HSPA4L: variants seen among roughly 807,000 people sequenced by gnomAD.
The protein encoded by HSPA4L is heat shock 70 kDa protein 4L.
Under a neutral mutation model 100.3 loss-of-function variants are expected in HSPA4L, and 48 were observed. The ratio of observed to expected loss-of-function variants is 0.48; its 90% CI spans 0.38 to 0.61. The LOEUF (loss-of-function observed/expected upper bound fraction) is 0.61, where lower values mean the gene tolerates loss of function less well. HSPA4L is among the 20% of genes least tolerant of loss of function. The pLI is 0.00. For synonymous variants in HSPA4L, 319 were observed against 328.2 expected, an observed-to-expected ratio of 0.97 and a Z score of 0.30; for missense variants, 886 against 988.6, an observed-to-expected ratio of 0.90 and a Z score of 1.39.
chr4:127,782,334 C>A lies in HSPA4L; in HGVS notation c.-217C>A. Reference sequence around the variant, plus strand: ...GCGGCCGAACCGCAGTAGGGAAAGACCCAGGCTGCGGGACGCGGTGCAGGC... The same window carrying A: ...GCGGCCGAACCGCAGTAGGGAAAGAACCAGGCTGCGGGACGCGGTGCAGGC... On this transcript the variant is annotated 5_prime_UTR_variant, in exon 1 of 19. Transcript: ENST00000296464. 3.7e-6 allele frequency: 2 copies of A among 546,000 alleles called. No homozygotes were observed. The highest frequency in any genetic ancestry group is 4.2e-5 in the South Asian group (2 of 47,918). The allele number at this position is 546,000 out of a possible 1,614,324, so 33.8% of individuals were successfully genotyped here. A position where few individuals can be genotyped will look rare whatever the true frequency, so the allele number is the denominator to read the frequency against.
In HSPA4L at chr4:127,834,921, A is replaced by G. The variant is rs908588985; in HGVS notation, c.*2047A>G. On this transcript the variant is annotated 3_prime_UTR_variant, in exon 19 of 19. Transcript: ENST00000296464. ...GTCAGATAGTACCACTAATTTTTGT[A>G]ATTATATAACACTTCATTTAATAAC... 1 of 152,158 alleles carries G rather than the reference A, an allele frequency of 6.6e-6. No individual in the cohort carries two copies. Among genetic ancestry groups the G allele is most frequent in the Non-Finnish European group, 1.5e-5 (1 of 68,010 alleles). The allele number at this position is 152,158 out of a possible 1,614,324, so 9.4% of individuals were successfully genotyped here.
At chr4:127,821,453 A>C (rs1733811750) in intron 14 of HSPA4L, among the ~76,000 whole-genome samples, 1 of 152,162 alleles carries the variant, frequency 6.6e-6, no homozygotes, top group African/African-American at 2.4e-5. Flanking sequence ...TTTTTATTAA[A>C]GTGAAAATTT....
intron 12 of HSPA4L, chr4:127,813,624 G>A (rs1427407455): frequency 5.8e-6 from 1 of 172,728 alleles, no homozygotes; most frequent in East Asian, 1.7e-4. Context: ...AAGACCAGGT[G>A]TTTATAATCA....
chr4:127,836,721 G>A lies in HSPA4L; in HGVS notation c.*3847G>A, dbSNP rs2148804680. ...TTTGAATATAGTAATCAAATTAACT[G>A]ATTTTGTTTTCACCCTAAATACATA... On this transcript the variant is annotated 3_prime_UTR_variant, in exon 19 of 19. Transcript: ENST00000296464. 6.6e-6 allele frequency: 1 copy of A among 152,094 alleles called. No individual in the cohort carries two copies. Among genetic ancestry groups the A allele is most frequent in the African/African-American group, 2.4e-5 (1 of 41,498 alleles). 9.4% of individuals were successfully genotyped at this position (152,094 alleles called of 1,614,324 possible).
At chr4:127,827,488 T>C in intron 17 of HSPA4L, 64 bp downstream of exon 17, 1 of 1,566,430 alleles carries the variant, frequency 6.4e-7, no homozygotes, top group Non-Finnish European at 8.7e-7. Context: ...ATGGGGCAAA[T>C]CTAAAAGTTC....
At chr4:127,791,723 C>G (rs970370338) in intron 1 of HSPA4L, among the ~76,000 whole-genome samples, 11 of 152,234 alleles carry the variant, frequency 7.2e-5, no homozygotes, top group African/African-American at 2.4e-4. Context: ...AACAAACTCT[C>G]TACCACTTTT....
At chr4:127,786,610 T>C (rs2148774236) in intron 1 of HSPA4L, among the ~76,000 whole-genome samples, 1 of 152,236 alleles carries the variant, frequency 6.6e-6, no homozygotes, top group African/African-American at 2.4e-5. Context: ...GGACTACAGG[T>C]GCATGCCACC....
intron 10 of HSPA4L, 122 bp downstream of exon 10, chr4:127,805,915 A>G: frequency 1.9e-6 from 1 of 536,516 alleles, no homozygotes; most frequent in Non-Finnish European, 3.3e-6. Flanking sequence ...AAAATAATGT[A>G]TTAAAGAGAT....
intron 16 of HSPA4L, among the ~76,000 whole-genome samples, chr4:127,824,291 C>CT (rs1733889299): frequency 2.6e-5 from 4 of 152,146 alleles, no homozygotes. Flanking sequence ...GTGAATAATG[C>CT]TGCAGTGAAC....
chr4:127,832,996 G>C lies in HSPA4L; in HGVS notation c.*122G>C, dbSNP rs887539299. ...AACCACTTTTGTCATTTGTTTTTTG[G>C]AGTAGTTTTGAAAAGTGTTTTATAT... On this transcript the variant is annotated 3_prime_UTR_variant, in exon 19 of 19. Coordinates refer to ENST00000296464, the MANE Select transcript of HSPA4L (RefSeq NM_014278.4). 5.8e-6 allele frequency: 4 copies of C among 688,638 alleles called. No individual in the cohort carries two copies. In the African/African-American group the frequency reaches 7.3e-5, roughly 13 times the overall value. The allele number at this position is 688,638 out of a possible 1,614,324, so 42.7% of individuals were successfully genotyped here. A position where few individuals can be genotyped will look rare whatever the true frequency, so the allele number is the denominator to read the frequency against.
Position 127,838,496 on chromosome 4 carries a change from A to G in HSPA4L, c.*5622A>G, listed in dbSNP as rs1490631785. The G allele has an allele frequency of 1.3e-5, 2 of 152,236 alleles. No individual in the cohort carries two copies. The highest frequency in any genetic ancestry group is 6.5e-5 in the Admixed American group (1 of 15,278). 9.4% of individuals were successfully genotyped at this position (152,236 alleles called of 1,614,324 possible). A position where few individuals can be genotyped will look rare whatever the true frequency, so the allele number is the denominator to read the frequency against. The stretch of plus-strand genomic sequence containing the variant: ...CAGTCTGTCAGGCAAGTACAAATCC[A>G]TAACAAAAAAAATTAATAGTATGCT... On this transcript the variant is annotated 3_prime_UTR_variant, in exon 19 of 19. Coordinates refer to ENST00000296464, the MANE Select transcript of HSPA4L (RefSeq NM_014278.4).
At chr4:127,782,092 G>T (rs1360063580), upstream of HSPA4L, 3 of 451,326 alleles carry the variant, frequency 6.6e-6, no homozygotes, top group Middle Eastern at 9.7e-4. Context: ...GATCCTCCCC[G>T]CCCCGCCTTC....
chr4:127,802,027 GC>G (rs1474194215), intron 6 of HSPA4L, 109 bp downstream of exon 6: 38 of 738,106 alleles, frequency 5.1e-5, no homozygotes, highest in Non-Finnish European at 7.2e-5. Context: ...ATGACCTCAA[GC>G]AAGTTACTTA....
chr4:127,825,558 C>A (rs1733928778), intron 16 of HSPA4L, among the ~76,000 whole-genome samples: 1 of 152,062 alleles, frequency 6.6e-6, no homozygotes, highest in Non-Finnish European at 1.5e-5. Context: ...AATTAGAAAA[C>A]CTAAGTTTAT....
rs568742116 is a variant in HSPA4L, at chr4:127,782,329, A to G, written c.-222A>G. ...TGGAGGCGGCCGAACCGCAGTAGGG[A>G]AAGACCCAGGCTGCGGGACGCGGTG... On this transcript the variant is annotated 5_prime_UTR_variant, in exon 1 of 19. Transcript: ENST00000296464. 7 of 536,150 alleles carry G rather than the reference A, an allele frequency of 1.3e-5. No homozygotes were observed. The East Asian group carries it at 2.0e-4, about 15-fold the overall frequency. The allele number at this position is 536,150 out of a possible 1,614,324, so 33.2% of individuals were successfully genotyped here. A position where few individuals can be genotyped will look rare whatever the true frequency, so the allele number is the denominator to read the frequency against.
intron 1 of HSPA4L, 110 bp from the exon 2 acceptor site, chr4:127,793,967 T>C (rs1168590531): frequency 8.0e-6 from 5 of 627,918 alleles, no homozygotes; most frequent in Non-Finnish European, 1.1e-5. Flanking sequence ...TTTAAAATAA[T>C]ATATGGTTAT....
At chr4:127,801,308 A>T in intron 5 of HSPA4L, 71 bp downstream of exon 5, 1 of 1,163,396 alleles carries the variant, frequency 8.6e-7, no homozygotes, top group East Asian at 2.5e-5. Context: ...TTATTAACAA[A>T]GCATTATTTT....
intron 10 of HSPA4L, 51 bp downstream of exon 10, chr4:127,805,844 G>C: frequency 8.2e-7 from 1 of 1,216,788 alleles, no homozygotes; most frequent in Non-Finnish European, 1.2e-6. Context: ...TCTTTACCCA[G>C]TTAAACCTAC....
At chr4:127,794,522 G>GT (rs1483790542) in intron 2 of HSPA4L, among the ~76,000 whole-genome samples, 4 of 152,140 alleles carry the variant, frequency 2.6e-5, no homozygotes, top group African/African-American at 9.6e-5. Flanking sequence ...AATTTCCAGA[G>GT]TAACTCAACG....
Sources: gnomAD v4.1 joint callset for allele counts (sites outside exome capture counted in the v4.1 genomes callset) on GRCh38, gnomAD v4.1.1 for gene constraint, MANE v1.5 for transcripts, NCBI Gene and HGNC (gene_info 2026-07-23, HGNC 2026-07-21) for gene names.